EBF1: variants seen among roughly 807,000 people sequenced by gnomAD.
EBF1 encodes EBF transcription factor 1.
Under a neutral mutation model 68.4 loss-of-function variants are expected in EBF1, and 10 were observed. That is an observed-to-expected ratio of 0.15 (90% confidence interval 0.09 to 0.25). The LOEUF (loss-of-function observed/expected upper bound fraction) is 0.25. Ranked by LOEUF, EBF1 falls within the 10% of genes least tolerant of loss-of-function variation. The pLI is 1.00. For missense variants in EBF1, 509 were observed against 794.4 expected, an observed-to-expected ratio of 0.64 and a Z score of 4.32; for synonymous variants, 298 against 299.8, an observed-to-expected ratio of 0.99 and a Z score of 0.06.
chr5:158,988,197 T>G (rs1759503355), intron 6 of EBF1, among the ~76,000 whole-genome samples: 1 of 152,196 alleles, frequency 6.6e-6, no homozygotes, highest in African/African-American at 2.4e-5. Flanking sequence ...CCTGGCCCAT[T>G]CTGGTGGAAG....
At chr5:158,971,456 G>A (rs1326688937) in intron 6 of EBF1, among the ~76,000 whole-genome samples, 1 of 152,186 alleles carries the variant, frequency 6.6e-6, no homozygotes, top group African/African-American at 2.4e-5. Flanking sequence ...TCAAGGCCCT[G>A]GACCCAGCAG....
chr5:159,006,249 G>A (rs1216151373), intron 6 of EBF1, among the ~76,000 whole-genome samples: 1 of 152,132 alleles, frequency 6.6e-6, no homozygotes, highest in African/African-American at 2.4e-5. Flanking sequence ...AAGATAACTG[G>A]GGCTGAAAAG....
intron 10 of EBF1, among the ~76,000 whole-genome samples, chr5:158,770,877 T>G (rs1242129610): frequency 1.3e-5 from 2 of 152,154 alleles, no homozygotes; most frequent in Admixed American, 6.6e-5. Context: ...AGGTTTGAAA[T>G]AGTAAACTTA....
intron 6 of EBF1, among the ~76,000 whole-genome samples, chr5:158,980,452 G>T (rs1249044820): frequency 6.6e-6 from 1 of 152,148 alleles, no homozygotes; most frequent in Non-Finnish European, 1.5e-5. Flanking sequence ...GGCCAGATCC[G>T]CAGCCAAGAC....
rs1211423819 is a variant in EBF1 at position 158,924,847 on chromosome 5, T to C, written c.555-84737A>G. ...CAGCCTGGGCAACAGAGCGAGACTC[T>C]GTCTCAAAAAAAAAAAAAAAAAAAA... On this transcript the variant is annotated intron_variant, in intron 6 of 15. Transcript: ENST00000313708. Among the ~76,000 whole-genome samples, 38 of 110,540 alleles carry C rather than the reference T, an allele frequency of 3.4e-4. 1 individual carries two copies. Among genetic ancestry groups the C allele is most frequent in the African/African-American group, 1.5e-3 (37 of 24,140 alleles). The allele number at this position is 110,540 out of a possible 152,430, so 72.5% of individuals were successfully genotyped here. A position where few individuals can be genotyped will look rare whatever the true frequency, so the allele number is the denominator to read the frequency against.
intron 6 of EBF1, among the ~76,000 whole-genome samples, chr5:159,008,524 C>CT (rs372441248): frequency 0.12 from 17,086 of 138,230 alleles, 1,093 homozygotes; most frequent in Middle Eastern, 0.17. Context: ...TTTTTCTTTT[C>CT]TTTTTTTTTT....
chr5:158,861,924 GTACA>G (rs754947203), intron 6 of EBF1, among the ~76,000 whole-genome samples: 26 of 151,490 alleles, frequency 1.7e-4, no homozygotes, highest in Non-Finnish European at 3.5e-4. Flanking sequence ...ATCTCTTCAA[GTACA>G]TACAAATTTA....
intron 15 of EBF1, among the ~76,000 whole-genome samples, chr5:158,702,186 G>T (rs545793847): frequency 2.0e-4 from 30 of 152,308 alleles, no homozygotes; most frequent in Admixed American, 3.3e-4. Context: ...CCTTTTAATA[G>T]AGAAACTCCA....
intron 6 of EBF1, among the ~76,000 whole-genome samples, chr5:158,910,153 A>G (rs556164044): frequency 7.9e-5 from 12 of 152,208 alleles, no homozygotes; most frequent in Admixed American, 2.6e-4. Context: ...ACTGACTCCA[A>G]TGCTAGCCAA....
At chr5:158,745,739 G>T (rs1344678363) in intron 10 of EBF1, among the ~76,000 whole-genome samples, 1 of 152,174 alleles carries the variant, frequency 6.6e-6, no homozygotes, top group African/African-American at 2.4e-5. Flanking sequence ...AGGGAGGGTG[G>T]GGGTTCTAAT....
chr5:158,717,832 T>C (rs1761090478), intron 11 of EBF1, among the ~76,000 whole-genome samples: 1 of 152,162 alleles, frequency 6.6e-6, no homozygotes, highest in Admixed American at 6.5e-5. Context: ...AAACAACAAC[T>C]ACTTTTCACT....
chr5:158,802,505 A>G (rs1780788406), intron 8 of EBF1, among the ~76,000 whole-genome samples: 1 of 152,096 alleles, frequency 6.6e-6, no homozygotes, highest in Admixed American at 6.6e-5. Flanking sequence ...ATTAACCAGA[A>G]CTCTCTATTA....
chr5:158,696,730 C>T lies in EBF1; in HGVS notation c.*2381G>A, dbSNP rs527601011. On this transcript the variant is annotated 3_prime_UTR_variant, in exon 16 of 16. Transcript: ENST00000313708. ...CCACAACTCCCCTCCCCCACCCACCCCAACCCATAAAAATCGCACTCTTGA... is the reference window on the plus strand; with the variant it reads ...CCACAACTCCCCTCCCCCACCCACCTCAACCCATAAAAATCGCACTCTTGA... 1.0e-5 allele frequency: 2 copies of T among 192,422 alleles called. No individual in the cohort carries two copies. The highest frequency in any genetic ancestry group is 2.0e-4 in the South Asian group (1 of 4,984). 11.9% of individuals were successfully genotyped at this position (192,422 alleles called of 1,614,324 possible).
chr5:158,816,166 T>C (rs886973857), intron 8 of EBF1, among the ~76,000 whole-genome samples: 1 of 152,218 alleles, frequency 6.6e-6, no homozygotes, highest in Non-Finnish European at 1.5e-5. Flanking sequence ...CTGTTGGCTA[T>C]GTGGGAAGCT....
rs543702184 is a variant in EBF1 at position 158,943,971 on chromosome 5, C to T, written c.555-103861G>A. On this transcript the variant is annotated intron_variant, in intron 6 of 15. Coordinates refer to ENST00000313708, the MANE Select transcript of EBF1 (RefSeq NM_024007.5). ...ACTGATTTCCACTGAGCCCGGACTGCGCCTTCCTAGACTTCCCATCAAAGC... is the reference window on the plus strand; with the variant it reads ...ACTGATTTCCACTGAGCCCGGACTGTGCCTTCCTAGACTTCCCATCAAAGC... 4.2e-4 allele frequency among the ~76,000 whole-genome samples: 64 copies of T among 152,274 alleles called. No individual in the cohort carries two copies. The South Asian group carries it at 8.1e-3, about 19-fold the overall frequency.
chr5:158,867,277 G>A (rs1201317176), intron 6 of EBF1, among the ~76,000 whole-genome samples: 2 of 152,134 alleles, frequency 1.3e-5, no homozygotes, highest in Non-Finnish European at 2.9e-5. Flanking sequence ...GTTGTTGGGT[G>A]TTGGGTTGGA....
intron 10 of EBF1, among the ~76,000 whole-genome samples, chr5:158,765,135 G>A (rs1772380887): frequency 6.6e-6 from 1 of 151,854 alleles, no homozygotes; most frequent in Non-Finnish European, 1.5e-5. Context: ...CAATTTTTTT[G>A]CTTTGATGCT....
chr5:158,814,170 C>T (rs548934725), intron 8 of EBF1, among the ~76,000 whole-genome samples: 4 of 152,054 alleles, frequency 2.6e-5, no homozygotes, highest in African/African-American at 4.8e-5. Context: ...ACATAGGAAC[C>T]CTGTCTCTAC....
intron 9 of EBF1, among the ~76,000 whole-genome samples, chr5:158,786,080 G>C (rs543903388): frequency 1.3e-5 from 2 of 151,986 alleles, no homozygotes; most frequent in African/African-American, 4.8e-5. Flanking sequence ...ATTCACTAAA[G>C]TTTCTTATGA....
Sources: allele counts gnomAD v4.1 joint callset (sites outside exome capture counted in the v4.1 genomes callset), GRCh38; gene constraint gnomAD v4.1.1; transcripts MANE v1.5; gene names NCBI Gene and HGNC (gene_info 2026-07-23, HGNC 2026-07-21).